BRINP3: variants seen among roughly 807,000 people sequenced by gnomAD.
The protein encoded by BRINP3 is BMP/retinoic acid-inducible neural-specific protein 3.
A neutral mutation model predicts 71.0 loss-of-function variants in BRINP3; 19 were observed. The observed-to-expected ratio is 0.27, with a 90% CI of 0.19 to 0.39. The LOEUF is 0.39. BRINP3 is among the 10% of genes least tolerant of loss of function. The probability of loss-of-function intolerance (pLI) is 1.00; values close to 1 mark genes in which losing one functional copy is unlikely to be tolerated. For missense variants in BRINP3, 959 were observed against 940.8 expected, an observed-to-expected ratio of 1.02 and a Z score of -0.25; for synonymous variants, 380 against 337.7, an observed-to-expected ratio of 1.13 and a Z score of -1.37.
chr1:190,255,384 T>C (rs1361992409), intron 4 of BRINP3, among the ~76,000 whole-genome samples: 3 of 152,144 alleles, frequency 2.0e-5, no homozygotes, highest in African/African-American at 7.2e-5. Flanking sequence ...GTACCCCTGG[T>C]ATAATTTGGC....
chr1:190,198,944 A>G (rs1311518536), intron 6 of BRINP3, among the ~76,000 whole-genome samples: 2 of 152,158 alleles, frequency 1.3e-5, no homozygotes, highest in Non-Finnish European at 2.9e-5. Context: ...CTCTGTTACC[A>G]CACTGCTAAT....
chr1:190,198,456 C>T (rs1239267973), intron 6 of BRINP3, among the ~76,000 whole-genome samples: 1 of 152,008 alleles, frequency 6.6e-6, no homozygotes, highest in Non-Finnish European at 1.5e-5. Flanking sequence ...ATATAAGTTC[C>T]AATTCCAACC....
intron 7 of BRINP3, among the ~76,000 whole-genome samples, chr1:190,125,766 G>C (rs1654037679): frequency 6.6e-6 from 1 of 151,882 alleles, no homozygotes; most frequent in South Asian, 2.1e-4. Context: ...CTAACATTTG[G>C]TACCTATAGT....
At chr1:190,448,210 T>G (rs919230066) in intron 2 of BRINP3, among the ~76,000 whole-genome samples, 1 of 151,726 alleles carries the variant, frequency 6.6e-6, no homozygotes, top group Non-Finnish European at 1.5e-5. Context: ...TTCTTTAAAT[T>G]TGTATTCTTA....
chr1:190,383,091 G>GAT (rs1670652943), intron 2 of BRINP3, among the ~76,000 whole-genome samples: 1 of 152,054 alleles, frequency 6.6e-6, no homozygotes, highest in Non-Finnish European at 1.5e-5. Flanking sequence ...TTCCATTCCT[G>GAT]ATATATTTTT....
intron 6 of BRINP3, among the ~76,000 whole-genome samples, chr1:190,178,297 ATTATAT>A (rs1652729888): frequency 1.3e-5 from 2 of 152,120 alleles, no homozygotes; most frequent in South Asian, 4.1e-4. Flanking sequence ...CTCTGGATTT[ATTATAT>A]TTATATTTTT....
At chr1:190,314,460 A>G (rs983800120) in intron 2 of BRINP3, among the ~76,000 whole-genome samples, 4 of 152,110 alleles carry the variant, frequency 2.6e-5, no homozygotes, top group African/African-American at 9.7e-5. Context: ...TAATCCAAAC[A>G]GTCATTTGAA....
At chr1:190,372,019 G>T (rs1447163252) in intron 2 of BRINP3, among the ~76,000 whole-genome samples, 1 of 152,172 alleles carries the variant, frequency 6.6e-6, no homozygotes, top group East Asian at 1.9e-4. Context: ...AATAGCTACT[G>T]GTTTTTCACA....
chr1:190,188,568 T>C (rs1423233810), intron 6 of BRINP3, among the ~76,000 whole-genome samples: 2 of 152,124 alleles, frequency 1.3e-5, no homozygotes, highest in African/African-American at 4.8e-5. Flanking sequence ...TGAGAGAAGA[T>C]GTGAAATTTG....
chr1:190,117,618 G>C (rs546695075), intron 7 of BRINP3, among the ~76,000 whole-genome samples: 44 of 151,970 alleles, frequency 2.9e-4, no homozygotes, highest in Middle Eastern at 3.4e-3. Flanking sequence ...TAAATATTTG[G>C]TGTGCAATTC....
chr1:190,166,712 C>G (rs182166141), intron 6 of BRINP3, among the ~76,000 whole-genome samples: 1 of 152,020 alleles, frequency 6.6e-6, no homozygotes, highest in Non-Finnish European at 1.5e-5. Context: ...GTTGACCTCA[C>G]TAAATACGTC....
intron 7 of BRINP3, among the ~76,000 whole-genome samples, chr1:190,137,572 T>G (rs1655081625): frequency 6.6e-6 from 1 of 152,034 alleles, no homozygotes; most frequent in Non-Finnish European, 1.5e-5. Flanking sequence ...GGATGTGAGA[T>G]CATAGAAACT....
intron 5 of BRINP3, among the ~76,000 whole-genome samples, chr1:190,227,294 AT>A: frequency 6.6e-6 from 1 of 152,000 alleles, no homozygotes; most frequent in Admixed American, 6.6e-5. Context: ...AAAATCATTG[AT>A]TAACATTTAG....
intron 3 of BRINP3, among the ~76,000 whole-genome samples, chr1:190,279,761 C>T (rs891993796): frequency 6.6e-6 from 1 of 151,902 alleles, no homozygotes; most frequent in Non-Finnish European, 1.5e-5. Context: ...TGATTCTCAT[C>T]AATTCTGAAT....
intron 7 of BRINP3, among the ~76,000 whole-genome samples, chr1:190,150,785 A>G (rs1656323526): frequency 6.6e-6 from 1 of 152,202 alleles, no homozygotes; most frequent in Non-Finnish European, 1.5e-5. Flanking sequence ...TTTTTAAAGA[A>G]TAAGAGATTT....
intron 2 of BRINP3, among the ~76,000 whole-genome samples, chr1:190,448,463 T>TTGTGTGTG (rs67524700): frequency 2.4e-5 from 3 of 125,062 alleles, no homozygotes; most frequent in Admixed American, 7.7e-5. Flanking sequence ...CACTTGGGGT[T>TTGTGTGTG]TGTGTGTGTG....
intron 7 of BRINP3, among the ~76,000 whole-genome samples, chr1:190,148,290 GAA>G (rs1277121787): frequency 2.0e-5 from 3 of 151,718 alleles, no homozygotes; most frequent in Non-Finnish European, 4.4e-5. Context: ...TGCTCTTCAT[GAA>G]CCTCACTTTT....
intron 1 of BRINP3, among the ~76,000 whole-genome samples, chr1:190,468,548 A>G (rs1676918187): frequency 6.6e-6 from 1 of 151,310 alleles, no homozygotes; most frequent in African/African-American, 2.4e-5. Flanking sequence ...GTTCACTCTA[A>G]AAGGAAACAA....
At chr1:190,437,826 T>C (rs1241421579) in intron 2 of BRINP3, among the ~76,000 whole-genome samples, 1 of 151,890 alleles carries the variant, frequency 6.6e-6, no homozygotes, top group African/African-American at 2.4e-5. Flanking sequence ...TTTACTTTTA[T>C]GTTAAGAGAC....
Sources: gnomAD v4.1 joint callset for allele counts (sites outside exome capture counted in the v4.1 genomes callset) on GRCh38, gnomAD v4.1.1 for gene constraint, MANE v1.5 for transcripts, NCBI Gene and HGNC (gene_info 2026-07-23, HGNC 2026-07-21) for gene names.